Variants in ZFHX3 observed in about 807,000 individuals in gnomAD.
ZFHX3 encodes the protein zinc finger homeobox protein 3.
A neutral mutation model predicts 279.1 loss-of-function variants in ZFHX3; 42 were observed. The ratio of observed to expected loss-of-function variants is 0.15; its 90% CI spans 0.12 to 0.19. ZFHX3 has a LOEUF of 0.19. Ranked by LOEUF, ZFHX3 falls within the 10% of genes least tolerant of loss-of-function variation. ZFHX3 has a pLI of 1.00. For missense variants in ZFHX3, 4,981 were observed against 4,754.0 expected (o/e 1.05, Z -1.40); for synonymous variants, 2,293 against 1,957.8 (o/e 1.17, Z -4.52).
intron 1 of ZFHX3, among the ~76,000 whole-genome samples, chr16:73,757,090 G>C (rs886626228): frequency 6.6e-6 from 1 of 152,146 alleles, no homozygotes; most frequent in Non-Finnish European, 1.5e-5. Flanking sequence ...CTCTTCTGAA[G>C]AACAGCTGTG....
At chr16:73,129,714 ATG>A (rs34767541) in intron 7 of ZFHX3, among the ~76,000 whole-genome samples, 3,619 of 147,248 alleles carry the variant, frequency 0.025, 133 homozygotes, top group African/African-American at 0.081. Flanking sequence ...GTGCATGTGT[ATG>A]TGTGTGTGTG....
At chr16:73,875,009 C>T (rs537374718) in intron 1 of ZFHX3, among the ~76,000 whole-genome samples, 2 of 152,262 alleles carry the variant, frequency 1.3e-5, no homozygotes, top group East Asian at 3.9e-4. Flanking sequence ...GTCTCAACTG[C>T]TAGTACATGC....
At chr16:72,857,127 A>C (rs2037771996) in intron 4 of ZFHX3, among the ~76,000 whole-genome samples, 2 of 152,214 alleles carry the variant, frequency 1.3e-5, no homozygotes, top group African/African-American at 4.8e-5. Context: ...AAAGAATCCA[A>C]GATGGGCAGC....
chr16:73,667,977 C>T (rs1246426382), intron 2 of ZFHX3, among the ~76,000 whole-genome samples: 1 of 152,152 alleles, frequency 6.6e-6, no homozygotes, highest in African/African-American at 2.4e-5. Flanking sequence ...ACTTACAATT[C>T]CTCATTTAAA....
At chr16:73,715,821 C>T (rs12926267) in intron 1 of ZFHX3, among the ~76,000 whole-genome samples, 115,473 of 151,836 alleles carry the variant, frequency 0.76, 47,099 homozygotes, top group Non-Finnish European at 0.9. Context: ...ATCCACCCAC[C>T]TCAGGCTCCC....
intron 1 of ZFHX3, among the ~76,000 whole-genome samples, chr16:73,810,990 T>C (rs1459981414): frequency 6.6e-6 from 1 of 152,110 alleles, no homozygotes; most frequent in Non-Finnish European, 1.5e-5. Flanking sequence ...AAGAAAAGGA[T>C]TATATGAACT....
Position 72,784,012 on chromosome 16 carries a change from CT to C in ZFHX3, c.*3151del. The C allele has an allele frequency of 6.6e-6, 1 of 152,376 alleles. No homozygotes were observed. Among genetic ancestry groups the C allele is most frequent in the Non-Finnish European group, 1.5e-5 (1 of 68,030 alleles). 9.4% of individuals were successfully genotyped at this position (152,376 alleles called of 1,614,324 possible). A position where few individuals can be genotyped will look rare whatever the true frequency, so the allele number is the denominator to read the frequency against. ...GGGTTAGTGCTGAGAATTATTCTTA[CT>C]TTTTTCAATGAACATATATGTGGGC... On this transcript the variant is annotated 3_prime_UTR_variant, in exon 10 of 10. Transcript: ENST00000268489.
intron 2 of ZFHX3, among the ~76,000 whole-genome samples, chr16:73,661,626 G>A (rs2052785423): frequency 6.6e-6 from 1 of 151,752 alleles, no homozygotes; most frequent in Non-Finnish European, 1.5e-5. Flanking sequence ...TGAGGCTGAG[G>A]CAGGAGAATC....
chr16:73,680,331 G>C (rs551973914), intron 1 of ZFHX3: 17 of 152,278 alleles, frequency 1.1e-4, no homozygotes, highest in African/African-American at 4.1e-4. Context: ...TAACGTGTGT[G>C]CTTGGCTAAA....
chr16:72,911,966 G>A lies in ZFHX3; in HGVS notation c.3217-22004C>T, dbSNP rs144332401. On this transcript the variant is annotated intron_variant, in intron 3 of 9. Transcript: ENST00000268489. ...TCTCAGCTAGTTTAATTTCAAGCCC[G>A]GTAATGTAGACGCTGTCTAGGGAAT... Among the ~76,000 whole-genome samples, 657 of 152,262 alleles carry A rather than the reference G, an allele frequency of 4.3e-3. 6 individuals carry two copies. Among genetic ancestry groups the A allele is most frequent in the Non-Finnish European group, 4.7e-3 (317 of 68,022 alleles).
At chr16:73,599,751 A>C (rs1192546094) in intron 2 of ZFHX3, among the ~76,000 whole-genome samples, 1 of 151,672 alleles carries the variant, frequency 6.6e-6, no homozygotes, top group Non-Finnish European at 1.5e-5. Context: ...AAAAAACAAC[A>C]ACCTAAACCT....
At chr16:73,423,554 G>C (rs372188618) in intron 3 of ZFHX3, among the ~76,000 whole-genome samples, 2 of 152,136 alleles carry the variant, frequency 1.3e-5, no homozygotes, top group Non-Finnish European at 2.9e-5. Flanking sequence ...CTGGGGAAAA[G>C]TTTGCTGTTA....
intron 2 of ZFHX3, among the ~76,000 whole-genome samples, chr16:73,671,475 G>T (rs2052903494): frequency 6.6e-6 from 1 of 152,214 alleles, no homozygotes. Flanking sequence ...GGTACCAACA[G>T]GAGCCTTTTC....
At chr16:72,970,193 T>C (rs1162718000) in intron 1 of ZFHX3, among the ~76,000 whole-genome samples, 1 of 151,128 alleles carries the variant, frequency 6.6e-6, no homozygotes, top group Non-Finnish European at 1.5e-5. Flanking sequence ...TGTGTGTACT[T>C]AGAGGAATTA....
At chr16:72,802,059 T>C (rs901044699) in intron 7 of ZFHX3, among the ~76,000 whole-genome samples, 9 of 152,018 alleles carry the variant, frequency 5.9e-5, no homozygotes, top group African/African-American at 2.2e-4. Context: ...AATAAAATTA[T>C]CTAACACCTC....
At chr16:73,211,167 AG>A (rs1473919521) in intron 5 of ZFHX3, among the ~76,000 whole-genome samples, 1 of 152,204 alleles carries the variant, frequency 6.6e-6, no homozygotes, top group African/African-American at 2.4e-5. Flanking sequence ...TTGGTTGATG[AG>A]GACCATATTG....
intron 3 of ZFHX3, among the ~76,000 whole-genome samples, chr16:73,407,301 A>T (rs1035262625): frequency 6.6e-6 from 1 of 152,226 alleles, no homozygotes; most frequent in Non-Finnish European, 1.5e-5. Flanking sequence ...CTGGAATGAC[A>T]GTTCGGCTGT....
At position 73,846,932 on chromosome 16, in the gene ZFHX3, G is replaced by GT. The variant is rs542527819; in HGVS notation, c.-1608+44718dup. Reference sequence around the variant, plus strand: ...TTTATTTTAAACTTGTTTTTAAATAGTTTTTTTTTCTCCTTTGTTTATATA... The same window carrying GT: ...TTTATTTTAAACTTGTTTTTAAATAGTTTTTTTTTTCTCCTTTGTTTATATA... On this transcript the variant is annotated intron_variant, in intron 1 of 17. Coordinates refer to the ZFHX3 transcript ENST00000641206. 2.8e-3 allele frequency among the ~76,000 whole-genome samples: 429 copies of GT among 151,608 alleles called. 4 individuals are homozygous for GT. The highest frequency in any genetic ancestry group is 8.9e-3 in the African/African-American group (366 of 41,346).
intron 1 of ZFHX3, among the ~76,000 whole-genome samples, chr16:73,870,749 G>A (rs1278086524): frequency 2.0e-5 from 3 of 152,088 alleles, no homozygotes; most frequent in Non-Finnish European, 4.4e-5. Context: ...GGGGCCCGGC[G>A]GGCAGCACCT....
Sources: gnomAD v4.1 joint callset for allele counts (sites outside exome capture counted in the v4.1 genomes callset) on GRCh38, gnomAD v4.1.1 for gene constraint, MANE v1.5 for transcripts, NCBI Gene and HGNC (gene_info 2026-07-23, HGNC 2026-07-21) for gene names.